The following ZFP90 variants were observed in gnomAD, a reference collection of about 807,000 sequenced individuals.
ZFP90 encodes zinc finger protein 90 homolog.
In ZFP90, 38 loss-of-function variants were observed where a neutral mutation model predicts 60.8. The ratio of observed to expected loss-of-function variants is 0.62; its 90% CI spans 0.48 to 0.82. The LOEUF (loss-of-function observed/expected upper bound fraction) is 0.82, where lower values mean the gene tolerates loss of function less well. Ranked by LOEUF, ZFP90 falls within the 40% of genes least tolerant of loss-of-function variation. The probability of loss-of-function intolerance (pLI) is 0.00; values close to 1 mark genes in which losing one functional copy is unlikely to be tolerated. For missense variants in ZFP90, 711 were observed against 759.1 expected (o/e 0.94, Z 0.74); for synonymous variants, 287 against 264.8 (o/e 1.08, Z -0.82).
At chr16:68,540,808 C>CAAAGAAAAA (rs1555497723) in intron 2 of ZFP90, among the ~76,000 whole-genome samples, 5 of 92,306 alleles carry the variant, frequency 5.4e-5, no homozygotes, top group African/African-American at 1.4e-4. Context: ...TCCGTCTCTG[C>CAAAGAAAAA]AAAAAAAAAA....
chr16:68,574,700 G>A (rs2091584730), intron 2 of ZFP90, among the ~76,000 whole-genome samples: 1 of 152,114 alleles, frequency 6.6e-6, no homozygotes, highest in Non-Finnish European at 1.5e-5. Flanking sequence ...GAGTCAGGCA[G>A]ATTCCTTTGA....
downstream of ZFP90, among the ~76,000 whole-genome samples, chr16:68,568,707 C>T (rs139317959): frequency 2.4e-4 from 36 of 152,282 alleles, no homozygotes; most frequent in African/African-American, 7.7e-4. Flanking sequence ...GAGACAGGGT[C>T]TTGCCTTGTC....
intron 2 of ZFP90, among the ~76,000 whole-genome samples, chr16:68,544,148 T>C (rs2091103137): frequency 6.6e-6 from 1 of 152,204 alleles, no homozygotes; most frequent in Non-Finnish European, 1.5e-5. Context: ...GCCACCACAC[T>C]GGCTGGCCTC....
chr16:68,554,329 C>A (rs1223061261), intron 2 of ZFP90, among the ~76,000 whole-genome samples: 1 of 151,792 alleles, frequency 6.6e-6, no homozygotes, highest in Non-Finnish European at 1.5e-5. Context: ...TCCGCTTTCC[C>A]AAAGAGTTTG....
chr16:68,545,004 A>C (rs1597719369), intron 2 of ZFP90, among the ~76,000 whole-genome samples: 1 of 148,682 alleles, frequency 6.7e-6, no homozygotes, highest in East Asian at 2.0e-4. Flanking sequence ...CTCAGCCTCC[A>C]GAGTAGCTGG....
chr16:68,573,135 TCAC>T (rs2091576441), intron 2 of ZFP90, among the ~76,000 whole-genome samples: 1 of 152,236 alleles, frequency 6.6e-6, no homozygotes. Context: ...AGATGTATGT[TCAC>T]CCTGTACCTG....
upstream of ZFP90, among the ~76,000 whole-genome samples, chr16:68,536,564 A>T (rs573610025): frequency 8.9e-4 from 135 of 152,188 alleles, 2 homozygotes; most frequent in Non-Finnish European, 3.1e-4. Flanking sequence ...TCAGCCTCCC[A>T]AAGTGTGGGA....
rs2091531452 is a variant in ZFP90, at chr16:68,566,559, C to T, written c.*1861C>T. 1 of 985,402 alleles carries T rather than the reference C, an allele frequency of 1.0e-6. No individual in the cohort carries two copies. Among genetic ancestry groups the T allele is most frequent in the Non-Finnish European group, 1.2e-6 (1 of 829,924 alleles). The allele number at this position is 985,402 out of a possible 1,614,324, so 61.0% of individuals were successfully genotyped here. On this transcript the variant is annotated 3_prime_UTR_variant, in exon 5 of 5. Transcript: ENST00000563169. Reference sequence around the variant, plus strand: ...GTAATATGTGTAGCTCAATTAGTCTCTCCTCTGTGATGCAAAATGGAATAT... The same window carrying T: ...GTAATATGTGTAGCTCAATTAGTCTTTCCTCTGTGATGCAAAATGGAATAT...
At chr16:68,534,570 T>C (rs2090947844), upstream of ZFP90, among the ~76,000 whole-genome samples, 2 of 151,858 alleles carry the variant, frequency 1.3e-5, no homozygotes, top group East Asian at 1.9e-4. Flanking sequence ...TGGACTCTTG[T>C]TCTTTATTCA....
upstream of ZFP90, among the ~76,000 whole-genome samples, chr16:68,537,296 T>C (rs191647080): frequency 4.6e-5 from 7 of 152,194 alleles, no homozygotes; most frequent in Non-Finnish European, 8.8e-5. Flanking sequence ...CTGCTAATTT[T>C]TGTATGTTTA....
intron 4 of ZFP90, chr16:68,562,208 C>T (rs995177811): frequency 1.3e-5 from 2 of 152,166 alleles, no homozygotes; most frequent in African/African-American, 4.8e-5. Context: ...TATGTACCAT[C>T]CAGTTGGTTT....
At chr16:68,546,660 C>T (rs1008716121) in intron 2 of ZFP90, among the ~76,000 whole-genome samples, 5 of 152,102 alleles carry the variant, frequency 3.3e-5, no homozygotes, top group African/African-American at 1.2e-4. Context: ...TACAGGCATG[C>T]GCCACCACGC....
chr16:68,564,853 T>TTTC lies in ZFP90; in HGVS notation c.*155_*156insTTC. 1.4e-6 allele frequency: 2 copies of TTTC among 1,405,960 alleles called. No individual in the cohort carries two copies. Among genetic ancestry groups the TTTC allele is most frequent in the Non-Finnish European group, 1.8e-6 (2 of 1,086,398 alleles). The allele number at this position is 1,405,960 out of a possible 1,614,324, so 87.1% of individuals were successfully genotyped here. A position where few individuals can be genotyped will look rare whatever the true frequency, so the allele number is the denominator to read the frequency against. ...TGCCAGTAGACAGATTTTTTTTTTT[T>TTTC]AACATAAAGACACATTCTCAGATCT... On this transcript the variant is annotated 3_prime_UTR_variant, in exon 5 of 5. Transcript: ENST00000563169.
rs58508075 is a variant in ZFP90, at chr16:68,548,733, G to A, written c.33+8908G>A. 9.5e-3 allele frequency among the ~76,000 whole-genome samples: 1,435 copies of A among 151,630 alleles called. 8 individuals carry two copies. The highest frequency in any genetic ancestry group is 0.017 in the Middle Eastern group (5 of 292). ...TCGAACTCCCGACCTCAGGTGATTC[G>A]CCCGCCTCGGCCTCCCAAAGTGCTG... On this transcript the variant is annotated intron_variant, in intron 2 of 4. Transcript: ENST00000563169.
intron 2 of ZFP90, among the ~76,000 whole-genome samples, chr16:68,548,757 T>C: frequency 6.6e-6 from 1 of 152,202 alleles, no homozygotes; most frequent in Non-Finnish European, 1.5e-5. Context: ...CCCAAAGTGC[T>C]GGGATTACAG....
upstream of ZFP90, among the ~76,000 whole-genome samples, chr16:68,537,434 C>T (rs926629667): frequency 6.6e-6 from 1 of 152,088 alleles, no homozygotes; most frequent in African/African-American, 2.4e-5. Flanking sequence ...CCTGCAGTTG[C>T]CTTAAGTTGC....
At chr16:68,554,576 A>G (rs2091313946) in intron 2 of ZFP90, among the ~76,000 whole-genome samples, 1 of 152,190 alleles carries the variant, frequency 6.6e-6, no homozygotes, top group South Asian at 2.1e-4. Context: ...GCAAGAAGTT[A>G]TGAGTGGCTT....
chr16:68,548,560 G>A (rs1267174822), intron 2 of ZFP90, among the ~76,000 whole-genome samples: 3 of 131,566 alleles, frequency 2.3e-5, no homozygotes, highest in East Asian at 2.4e-4. Flanking sequence ...GCGCAATCTC[G>A]GCTCACCGCT....
Position 68,546,510 on chromosome 16 carries a change from G to T in ZFP90, c.33+6685G>T, listed in dbSNP as rs563443422. Among the ~76,000 whole-genome samples the T allele has an allele frequency of 1.1e-3, 164 of 152,194 alleles. 2 individuals carry two copies. The highest frequency in any genetic ancestry group is 9.6e-4 in the Non-Finnish European group (65 of 67,996). On this transcript the variant is annotated intron_variant, in intron 2 of 4. Coordinates refer to ENST00000563169, the MANE Select transcript of ZFP90 (RefSeq NM_001305203.2). ...TCATATAAGTGGAATCAAACAGTAT[G>T]TTTTGTTTTGTTTTGTTTTTTATTA...
Sources: allele counts gnomAD v4.1 joint callset (sites outside exome capture counted in the v4.1 genomes callset), GRCh38; gene constraint gnomAD v4.1.1; transcripts MANE v1.5; gene names NCBI Gene and HGNC (gene_info 2026-07-23, HGNC 2026-07-21).